The following GPR39 variants were observed in gnomAD, a reference collection of about 807,000 sequenced individuals.
The protein encoded by GPR39 is G protein-coupled receptor 39, also known as zinc sensing receptor.
A neutral mutation model predicts 18.4 loss-of-function variants in GPR39; 23 were observed. The ratio of observed to expected loss-of-function variants is 1.25; its 90% CI spans 0.90 to 1.77. The LOEUF (loss-of-function observed/expected upper bound fraction) is 1.77, where lower values mean the gene tolerates loss of function less well. GPR39 is among the 40% of genes most tolerant of loss of function. The pLI, the probability that GPR39 is intolerant of heterozygous loss-of-function variation, is 0.00. For synonymous variants in GPR39, 280 were observed against 257.9 expected, an observed-to-expected ratio of 1.09 and a Z score of -0.82; for missense variants, 647 against 602.4, an observed-to-expected ratio of 1.07 and a Z score of -0.78.
rs111503449 is a variant in GPR39, at chr2:132,457,372, C to A, written c.856+39474C>A. On this transcript the variant is annotated intron_variant, in intron 1 of 1. Coordinates refer to ENST00000329321, the MANE Select transcript of GPR39 (RefSeq NM_001508.3). ...TCTCTACACTGTTTATTCGAGTTAA[C>A]CATCGTCTAATCTTTTTTTAAGGTT... Among the ~76,000 whole-genome samples the A allele has an allele frequency of 1.1e-3, 168 of 152,298 alleles. 1 individual carries two copies. The highest frequency in any genetic ancestry group is 3.9e-3 in the African/African-American group (163 of 41,558).
intron 1 of GPR39, among the ~76,000 whole-genome samples, chr2:132,479,346 C>T (rs1230609772): frequency 6.6e-6 from 1 of 152,152 alleles, no homozygotes; most frequent in African/African-American, 2.4e-5. Flanking sequence ...AGACTTCTGG[C>T]TGTGAAAACA....
intron 1 of GPR39, among the ~76,000 whole-genome samples, chr2:132,456,751 T>TTCATAAA (rs1558803743): frequency 2.6e-5 from 4 of 152,208 alleles, no homozygotes; most frequent in Admixed American, 6.5e-5. Context: ...TTAGTTTGGC[T>TTCATAAA]GGATATGAAA....
intron 1 of GPR39, among the ~76,000 whole-genome samples, chr2:132,625,696 T>C (rs1573705477): frequency 6.6e-6 from 1 of 152,232 alleles, no homozygotes; most frequent in South Asian, 2.1e-4. Flanking sequence ...AATGAGTTTT[T>C]ATTCCTCTGT....
chr2:132,535,719 A>G (rs908067543), intron 1 of GPR39, among the ~76,000 whole-genome samples: 2 of 67,112 alleles, frequency 3.0e-5, no homozygotes, highest in African/African-American at 1.2e-4. Flanking sequence ...TTGGTAGGCT[A>G]TTAATTACTG....
At chr2:132,537,319 A>G (rs1048204484) in intron 1 of GPR39, among the ~76,000 whole-genome samples, 18 of 152,092 alleles carry the variant, frequency 1.2e-4, no homozygotes, top group African/African-American at 4.3e-4. Context: ...TTTCTCCTTC[A>G]CTTATGAGGC....
chr2:132,442,042 A>G lies in GPR39; in HGVS notation c.856+24144A>G, dbSNP rs530766371. Reference sequence around the variant, plus strand: ...GTTCTAAAGTCAGTGTCAAGGCAAAAAAGCCTGTAGAGTCACAATTGTCCT... The same window carrying G: ...GTTCTAAAGTCAGTGTCAAGGCAAAGAAGCCTGTAGAGTCACAATTGTCCT... On this transcript the variant is annotated intron_variant, in intron 1 of 1. Transcript: ENST00000329321. Among the ~76,000 whole-genome samples, 216 of 152,240 alleles carry G rather than the reference A, an allele frequency of 1.4e-3. 3 individuals are homozygous for G. The highest frequency in any genetic ancestry group is 5.1e-3 in the African/African-American group (213 of 41,538).
chr2:132,616,134 T>C (rs542054846), intron 1 of GPR39, among the ~76,000 whole-genome samples: 2 of 152,244 alleles, frequency 1.3e-5, no homozygotes, highest in South Asian at 4.2e-4. Context: ...CTATTGTTTA[T>C]TAAGAGACTT....
chr2:132,454,191 C>T (rs1173274977), intron 1 of GPR39, among the ~76,000 whole-genome samples: 1 of 152,216 alleles, frequency 6.6e-6, no homozygotes, highest in East Asian at 1.9e-4. Flanking sequence ...TGAAGAGGTC[C>T]TTCACATCCC....
chr2:132,560,918 CTTT>C (rs34504049), intron 1 of GPR39, among the ~76,000 whole-genome samples: 1 of 143,002 alleles, frequency 7.0e-6, no homozygotes, highest in Non-Finnish European at 1.5e-5. Context: ...TTGTTTTTTG[CTTT>C]TTTTTTTTGA....
chr2:132,508,236 G>A (rs1358996419), intron 1 of GPR39, among the ~76,000 whole-genome samples: 1 of 152,080 alleles, frequency 6.6e-6, no homozygotes, highest in East Asian at 1.9e-4. Context: ...TCCCTCCCAG[G>A]AGCCAGGGAC....
intron 1 of GPR39, among the ~76,000 whole-genome samples, chr2:132,490,990 A>T (rs1262194370): frequency 2.6e-5 from 4 of 152,224 alleles, no homozygotes; most frequent in African/African-American, 9.6e-5. Context: ...ACTGGGCACC[A>T]GCTCAAGTGT....
At chr2:132,629,625 G>A (rs1002684231) in intron 1 of GPR39, among the ~76,000 whole-genome samples, 3 of 152,214 alleles carry the variant, frequency 2.0e-5, no homozygotes, top group African/African-American at 7.2e-5. Flanking sequence ...CAATTTACAG[G>A]CAAGGAAACT....
chr2:132,536,417 AC>A (rs1297292767), intron 1 of GPR39, among the ~76,000 whole-genome samples: 1 of 152,164 alleles, frequency 6.6e-6, no homozygotes, highest in East Asian at 1.9e-4. Context: ...ATGTAGTTGC[AC>A]TGTGGTCTGA....
At chr2:132,630,900 C>T (rs1276883995) in intron 1 of GPR39, among the ~76,000 whole-genome samples, 1 of 152,080 alleles carries the variant, frequency 6.6e-6, no homozygotes. Context: ...GGGTGGGTAG[C>T]TGATCATTAA....
chr2:132,644,460 C>T (rs1359693055), intron 1 of GPR39, among the ~76,000 whole-genome samples: 2 of 152,246 alleles, frequency 1.3e-5, no homozygotes, highest in Admixed American at 6.5e-5. Flanking sequence ...AAAAGAAACA[C>T]ATATGCTGTT....
chr2:132,450,711 A>C (rs4953979), intron 1 of GPR39, among the ~76,000 whole-genome samples: 121,274 of 152,082 alleles, frequency 0.8, 49,201 homozygotes, highest in Non-Finnish European at 0.87. Flanking sequence ...AAGCTTTCTG[A>C]GTGGGGTTTG....
At chr2:132,474,844 A>G (rs1490548756) in intron 1 of GPR39, among the ~76,000 whole-genome samples, 2 of 152,208 alleles carry the variant, frequency 1.3e-5, no homozygotes, top group East Asian at 1.9e-4. Flanking sequence ...GACAGCCGCC[A>G]TAAAGAATCT....
intron 1 of GPR39, among the ~76,000 whole-genome samples, chr2:132,437,389 T>A (rs536074580): frequency 1.3e-5 from 2 of 152,226 alleles, no homozygotes; most frequent in Non-Finnish European, 2.9e-5. Flanking sequence ...CCTTCATAGA[T>A]GCTCCTGGGG....
chr2:132,425,947 G>A (rs1249401287), intron 1 of GPR39, among the ~76,000 whole-genome samples: 2 of 152,138 alleles, frequency 1.3e-5, no homozygotes, highest in Non-Finnish European at 2.9e-5. Flanking sequence ...TACCTTGCCT[G>A]GATCTCTGAT....
Sources: allele counts gnomAD v4.1 joint callset (sites outside exome capture counted in the v4.1 genomes callset), GRCh38; gene constraint gnomAD v4.1.1; transcripts MANE v1.5; gene names NCBI Gene and HGNC (gene_info 2026-07-23, HGNC 2026-07-21).